Variants in SAMD12 observed in about 807,000 individuals in gnomAD.
SAMD12 encodes sterile alpha motif domain-containing protein 12.
In SAMD12, 9 loss-of-function variants were observed where a neutral mutation model predicts 15.0. That is an observed-to-expected ratio of 0.60 (90% CI 0.36 to 1.05). The LOEUF (loss-of-function observed/expected upper bound fraction) is 1.05. SAMD12 is among the 50% of genes least tolerant of loss of function. The pLI, the probability that SAMD12 is intolerant of heterozygous loss-of-function variation, is 0.01. For missense variants in SAMD12, 230 were observed against 234.2 expected (o/e 0.98, Z 0.12); for synonymous variants, 86 against 90.1 (o/e 0.96, Z 0.25).
At chr8:118,310,797 T>A (rs1178868301) in intron 4 of SAMD12, among the ~76,000 whole-genome samples, 2 of 152,190 alleles carry the variant, frequency 1.3e-5, no homozygotes, top group African/African-American at 4.8e-5. Context: ...TAATTCCCTA[T>A]ATTAACTACT....
At chr8:118,556,370 G>C (rs559314599) in intron 2 of SAMD12, among the ~76,000 whole-genome samples, 14 of 152,056 alleles carry the variant, frequency 9.2e-5, no homozygotes, top group Non-Finnish European at 1.6e-4. Context: ...TTGAACGAAG[G>C]GTGGCATTCT....
chr8:118,350,905 C>A (rs1479096746), intron 4 of SAMD12, among the ~76,000 whole-genome samples: 1 of 152,156 alleles, frequency 6.6e-6, no homozygotes. Flanking sequence ...CTCTTATAAG[C>A]TAATCCTTTT....
intron 3 of SAMD12, among the ~76,000 whole-genome samples, chr8:118,419,156 T>G (rs1387812695): frequency 6.6e-6 from 1 of 152,126 alleles, no homozygotes; most frequent in Non-Finnish European, 1.5e-5. Context: ...GAGTATTTAA[T>G]TGACAAAGCA....
chr8:118,406,746 C>T (rs1369965938), intron 3 of SAMD12, among the ~76,000 whole-genome samples: 2 of 152,156 alleles, frequency 1.3e-5, no homozygotes, highest in African/African-American at 4.8e-5. Context: ...AGTTGGATTA[C>T]ACTAGGTACC....
In SAMD12 at chr8:118,285,617, A is replaced by G. The variant is rs551205192; in HGVS notation, c.434-87885T>C. On this transcript the variant is annotated intron_variant, in intron 4 of 4. Coordinates refer to the SAMD12 transcript ENST00000409003. ...CTTCAGATAATGTGGCATAGCACAAATGGACATGGGCTTTGGAAATAATGG... is the reference window on the plus strand; with the variant it reads ...CTTCAGATAATGTGGCATAGCACAAGTGGACATGGGCTTTGGAAATAATGG... Among the ~76,000 whole-genome samples, 10 of 152,340 alleles carry G rather than the reference A, an allele frequency of 6.6e-5. No homozygotes were observed. The East Asian group carries it at 1.7e-3, about 26-fold the overall frequency.
At chr8:118,135,255 C>T in the SAMD12 span, among the ~76,000 whole-genome samples, 58 of 152,246 alleles carry the variant, frequency 3.8e-4, no homozygotes, top group African/African-American at 1.1e-3. Flanking sequence ...TATCTCGGCT[C>T]ACTGAAACCT....
chr8:118,229,543 T>C (rs1812262158), intron 4 of SAMD12, among the ~76,000 whole-genome samples: 1 of 152,170 alleles, frequency 6.6e-6, no homozygotes, highest in African/African-American at 2.4e-5. Context: ...ACTATGGACA[T>C]TGAGACCTGC....
chr8:118,579,601 A>C (rs950883229), intron 2 of SAMD12, among the ~76,000 whole-genome samples: 1 of 152,174 alleles, frequency 6.6e-6, no homozygotes, highest in African/African-American at 2.4e-5. Context: ...AAAGCAAAAA[A>C]TTCACATCTG....
the SAMD12 span, among the ~76,000 whole-genome samples, chr8:118,170,764 G>T: frequency 1.3e-5 from 2 of 152,062 alleles, no homozygotes; most frequent in African/African-American, 2.4e-5. Context: ...TGTGACCTTG[G>T]CTAGGCAATG....
intron 3 of SAMD12, chr8:118,394,695 A>G (rs573294732): frequency 6.6e-6 from 1 of 152,230 alleles, no homozygotes; most frequent in Non-Finnish European, 1.5e-5. Flanking sequence ...ACAGTCACCT[A>G]GTAGACCCAG....
intron 2 of SAMD12, among the ~76,000 whole-genome samples, chr8:118,502,003 G>C (rs1007812656): frequency 2.9e-5 from 4 of 136,758 alleles, no homozygotes; most frequent in African/African-American, 8.8e-5. Flanking sequence ...CTGGGCAACA[G>C]AGCGAGACTC....
rs186195367 is a variant in SAMD12, at chr8:118,489,739, T to C, written c.193-49778A>G. On this transcript the variant is annotated intron_variant, in intron 2 of 3. Transcript: ENST00000314727. ...TTTAAAACATTTTTAGCTCGTAATG[T>C]CCTTCTGTTCTAAGCCCAGTTGTTA... Among the ~76,000 whole-genome samples the C allele has an allele frequency of 1.1e-4, 17 of 152,338 alleles. No homozygotes were observed. In the East Asian group the frequency reaches 2.5e-3, roughly 22 times the overall value.
chr8:118,340,321 T>TA (rs1817292579), intron 4 of SAMD12, among the ~76,000 whole-genome samples: 1 of 143,428 alleles, frequency 7.0e-6, no homozygotes, highest in Non-Finnish European at 1.5e-5. Context: ...TTCTTGACCT[T>TA]ATGCTCTCTT....
intron 2 of SAMD12, among the ~76,000 whole-genome samples, chr8:118,530,678 T>C (rs536116286): frequency 6.6e-6 from 1 of 152,370 alleles, no homozygotes; most frequent in Non-Finnish European, 1.5e-5. Context: ...ATTATTTCTT[T>C]TGCTGTGCAG....
intron 2 of SAMD12, among the ~76,000 whole-genome samples, chr8:118,479,265 C>G (rs1563885125): frequency 6.6e-6 from 1 of 152,094 alleles, no homozygotes; most frequent in Non-Finnish European, 1.5e-5. Flanking sequence ...CTGTTCCCCC[C>G]ACACCTGGAT....
At chr8:118,293,450 C>T (rs1814528075) in intron 4 of SAMD12, among the ~76,000 whole-genome samples, 1 of 152,112 alleles carries the variant, frequency 6.6e-6, no homozygotes, top group African/African-American at 2.4e-5. Flanking sequence ...AGGCATTTAA[C>T]CAATATTTGC....
chr8:118,338,778 A>G (rs1817205065), intron 4 of SAMD12, among the ~76,000 whole-genome samples: 1 of 152,192 alleles, frequency 6.6e-6, no homozygotes. Flanking sequence ...TTGGAAATTA[A>G]CAGGGCAGCA....
At chr8:118,469,866 A>T (rs1823741830) in intron 2 of SAMD12, among the ~76,000 whole-genome samples, 1 of 151,888 alleles carries the variant, frequency 6.6e-6, no homozygotes, top group Non-Finnish European at 1.5e-5. Flanking sequence ...CCCAGCCTGT[A>T]CTATAATTTT....
In SAMD12 at chr8:118,220,479, C is replaced by A. The variant is rs184756339; in HGVS notation, c.434-22747G>T. On this transcript the variant is annotated intron_variant, in intron 4 of 4. Transcript: ENST00000409003. ...GGAATCTATAGGCCCTTTAAAGAAA[C>A]GTACATTTTAAGTAACACCTTACCT... Among the ~76,000 whole-genome samples, 365 of 152,210 alleles carry A rather than the reference C, an allele frequency of 2.4e-3. 3 individuals carry two copies. Among genetic ancestry groups the A allele is most frequent in the African/African-American group, 8.4e-3 (349 of 41,550 alleles).
Sources: gnomAD v4.1 joint callset for allele counts (sites outside exome capture counted in the v4.1 genomes callset) on GRCh38, gnomAD v4.1.1 for gene constraint, MANE v1.5 for transcripts, NCBI Gene and HGNC (gene_info 2026-07-23, HGNC 2026-07-21) for gene names.